Variants in C12orf42 observed in about 807,000 individuals in gnomAD.
C12orf42 encodes uncharacterized protein C12orf42.
C12orf42 carries 25 observed loss-of-function variants against 21.6 expected under a neutral mutation model. That is an observed-to-expected ratio of 1.16 (90% CI 0.84 to 1.62). The LOEUF (loss-of-function observed/expected upper bound fraction) is 1.62, where lower values mean the gene tolerates loss of function less well. C12orf42 is among the 40% of genes most tolerant of loss of function. The probability of loss-of-function intolerance (pLI) is 0.00; values close to 1 mark genes in which losing one functional copy is unlikely to be tolerated. For missense variants in C12orf42, 483 were observed against 459.3 expected (o/e 1.05, Z -0.47); for synonymous variants, 174 against 175.0 (o/e 0.99, Z 0.05).
chr12:103,554,000 G>A, the C12orf42 span, among the ~76,000 whole-genome samples: 1 of 152,156 alleles, frequency 6.6e-6, no homozygotes, highest in Non-Finnish European at 1.5e-5. Flanking sequence ...GGTGGCAGGA[G>A]GGCTGAGAAG....
chr12:103,110,807 A>C, the C12orf42 span, among the ~76,000 whole-genome samples: 1 of 152,216 alleles, frequency 6.6e-6, no homozygotes, highest in Non-Finnish European at 1.5e-5. Flanking sequence ...GCATTTGAGA[A>C]GACAGATTTG....
At chr12:103,208,572 T>C in the C12orf42 span, among the ~76,000 whole-genome samples, 1 of 152,300 alleles carries the variant, frequency 6.6e-6, no homozygotes, top group East Asian at 1.9e-4. Flanking sequence ...TTAAGACTGA[T>C]TTTTGCCCAG....
At chr12:103,098,725 G>A in the C12orf42 span, among the ~76,000 whole-genome samples, 1 of 152,308 alleles carries the variant, frequency 6.6e-6, no homozygotes, top group South Asian at 2.1e-4. Context: ...GGGTCCATTA[G>A]CATCTTTCTA....
chr12:103,492,378 A>G (rs1955240331), intron 1 of C12orf42, among the ~76,000 whole-genome samples: 1 of 152,230 alleles, frequency 6.6e-6, no homozygotes. Context: ...AAGCAACTGT[A>G]AACACCTCAA....
At position 103,452,670 on chromosome 12, in the gene C12orf42, T is replaced by A. The variant is rs1357782758; in HGVS notation, c.78+25679A>T. Among the ~76,000 whole-genome samples the A allele has an allele frequency of 2.0e-5, 3 of 152,096 alleles. No individual in the cohort carries two copies. The South Asian group carries it at 6.2e-4, about 32-fold the overall frequency. On this transcript the variant is annotated intron_variant, in intron 2 of 5. Transcript: ENST00000548883. ...GACTGGATTAAGAAAATGTGGCACATATATACCATGGAATACTATGCAGCC... is the reference window on the plus strand; with the variant it reads ...GACTGGATTAAGAAAATGTGGCACAAATATACCATGGAATACTATGCAGCC...
the C12orf42 span, among the ~76,000 whole-genome samples, chr12:103,216,138 TTC>T: frequency 1.3e-5 from 2 of 152,158 alleles, no homozygotes; most frequent in Admixed American, 6.5e-5. Flanking sequence ...AAGATAAATT[TTC>T]TCTCTGTCTT....
Position 103,332,904 on chromosome 12 carries a change from C to T in C12orf42, c.260-26559G>A, listed in dbSNP as rs563602785. ...ACCCTGGATTAGCAGGTCTGCCCCT[C>T]TGTTTTGAGAATCAAACGAACATTT... On this transcript the variant is annotated intron_variant, in intron 4 of 5. Coordinates refer to ENST00000548883, the MANE Select transcript of C12orf42 (RefSeq NM_198521.5). Among the ~76,000 whole-genome samples the T allele has an allele frequency of 3.3e-5, 5 of 152,346 alleles. 1 individual carries two copies. In the South Asian group the frequency reaches 1.0e-3, roughly 32 times the overall value.
chr12:103,293,491 A>G (rs2036954833), intron 4 of C12orf42, among the ~76,000 whole-genome samples: 1 of 152,088 alleles, frequency 6.6e-6, no homozygotes, highest in South Asian at 2.1e-4. Context: ...CAAATCCTCC[A>G]CACTCCAAAA....
chr12:103,210,402 C>G, the C12orf42 span, among the ~76,000 whole-genome samples: 6 of 152,080 alleles, frequency 3.9e-5, no homozygotes, highest in African/African-American at 1.4e-4. Context: ...AAATCGCTTC[C>G]TAATATTCTT....
chr12:103,155,699 C>CA, the C12orf42 span, among the ~76,000 whole-genome samples: 11 of 149,274 alleles, frequency 7.4e-5, no homozygotes, highest in East Asian at 1.6e-3. Flanking sequence ...TATACACATA[C>CA]TTGTATATAT....
At chr12:103,188,083 G>C in the C12orf42 span, among the ~76,000 whole-genome samples, 14 of 152,064 alleles carry the variant, frequency 9.2e-5, no homozygotes, top group African/African-American at 3.4e-4. Context: ...CTCATCTTCA[G>C]CTTCAGAGCT....
At chr12:103,302,592 T>C in intron 5 of C12orf42, 33 bp from the exon 6 acceptor site, 1 of 1,565,542 alleles carries the variant, frequency 6.4e-7, no homozygotes. Context: ...AGGACAGAGA[T>C]GAGGCTCAAG....
intron 4 of C12orf42, among the ~76,000 whole-genome samples, chr12:103,292,008 A>G (rs946993411): frequency 9.2e-5 from 14 of 152,172 alleles, no homozygotes; most frequent in African/African-American, 1.2e-4. Flanking sequence ...CAAAAGGTGG[A>G]CACAGCCCCA....
the C12orf42 span, among the ~76,000 whole-genome samples, chr12:103,525,570 A>G: frequency 6.6e-6 from 1 of 152,198 alleles, no homozygotes; most frequent in East Asian, 1.9e-4. Context: ...GAGGTAAAAT[A>G]TTATTATTAA....
the C12orf42 span, among the ~76,000 whole-genome samples, chr12:103,524,423 T>C: frequency 6.6e-6 from 1 of 152,184 alleles, no homozygotes; most frequent in African/African-American, 2.4e-5. Context: ...TTTCTGTGTG[T>C]GTCCTTTGTG....
At chr12:103,229,855 T>C in the C12orf42 span, among the ~76,000 whole-genome samples, 195 of 152,366 alleles carry the variant, frequency 1.3e-3, 1 homozygote, top group African/African-American at 4.3e-3. Context: ...CAATAAATAG[T>C]ATTTTATTAC....
chr12:103,436,199 G>A (rs898402024), intron 2 of C12orf42, among the ~76,000 whole-genome samples: 4 of 149,740 alleles, frequency 2.7e-5, no homozygotes, highest in Non-Finnish European at 6.0e-5. Context: ...ACAAGCAAAT[G>A]CTGAGAGATT....
chr12:103,350,622 C>T (rs1278352953), intron 4 of C12orf42, among the ~76,000 whole-genome samples: 1 of 152,114 alleles, frequency 6.6e-6, no homozygotes, highest in Non-Finnish European at 1.5e-5. Context: ...TAGTTTCAGT[C>T]GTCCACTGGG....
At chr12:103,313,710 C>T (rs1483682647) in intron 4 of C12orf42, among the ~76,000 whole-genome samples, 4 of 152,228 alleles carry the variant, frequency 2.6e-5, no homozygotes, top group Non-Finnish European at 5.9e-5. Context: ...GTTGTTATTA[C>T]TTCCTTCCTC....
Sources: gnomAD v4.1 joint callset for allele counts (sites outside exome capture counted in the v4.1 genomes callset) on GRCh38, gnomAD v4.1.1 for gene constraint, MANE v1.5 for transcripts, NCBI Gene and HGNC (gene_info 2026-07-23, HGNC 2026-07-21) for gene names.